Variants in CEMIP observed in about 807,000 individuals in gnomAD.
CEMIP encodes the protein cell migration-inducing and hyaluronan-binding protein.
In CEMIP, 105 loss-of-function variants were observed where a neutral mutation model predicts 156.9. The ratio of observed to expected loss-of-function variants is 0.67; its 90% confidence interval spans 0.57 to 0.79. The LOEUF (loss-of-function observed/expected upper bound fraction) is 0.79. Ranked by LOEUF, CEMIP falls within the 30% of genes least tolerant of loss-of-function variation. CEMIP has a pLI of 0.00. For synonymous variants in CEMIP, 676 were observed against 668.4 expected, an observed-to-expected ratio of 1.01 and a Z score of -0.17; for missense variants, 1,457 against 1,769.4, an observed-to-expected ratio of 0.82 and a Z score of 3.17.
At position 80,888,624 on chromosome 15, in the gene CEMIP, G is replaced by A. The variant is rs74030632; in HGVS notation, c.869-77G>A. On this transcript the variant is annotated intron_variant, in intron 8 of 29. Coordinates refer to ENST00000394685, the MANE Select transcript of CEMIP (RefSeq NM_001293298.2). Reference sequence around the variant, plus strand: ...AGTCAATGCCCATGTGCGTAGGGGGGTTTCCTTGCCTTGGAGTCACAACTT... The same window carrying A: ...AGTCAATGCCCATGTGCGTAGGGGGATTTCCTTGCCTTGGAGTCACAACTT... 1.3e-4 allele frequency: 160 copies of A among 1,192,776 alleles called. No homozygotes were observed. The African/African-American group carries it at 2.2e-3, about 16-fold the overall frequency. The allele number at this position is 1,192,776 out of a possible 1,614,324, so 73.9% of individuals were successfully genotyped here.
At chr15:80,901,006 C>T (rs1899509992) in intron 12 of CEMIP, 1 of 453,694 alleles carries the variant, frequency 2.2e-6, no homozygotes. Flanking sequence ...AATGAAAATG[C>T]ATGAATCATC....
Position 80,906,116 on chromosome 15 carries a change from AG to A in CEMIP, c.1412-543del, listed in dbSNP as rs1172688241. ...TGTAAAGCAGGGGCTTTAAAGACAG[AG>A]GGGTTCTGTTTTATCTTCCTAAGAT... On this transcript the variant is annotated intron_variant, in intron 12 of 29. Transcript: ENST00000394685. This position sits in a 1 kb window ranked among gnomAD's most constrained non-coding sequence, Gnocchi z 4.3. Among the ~76,000 whole-genome samples the A allele has an allele frequency of 6.6e-6, 1 of 152,266 alleles. No individual in the cohort carries two copies. Among genetic ancestry groups the A allele is most frequent in the Non-Finnish European group, 1.5e-5 (1 of 68,040 alleles).
At position 80,895,075 on chromosome 15, in the gene CEMIP, G is replaced by A. The variant is rs148606628; in HGVS notation, c.1172G>A (p.Gly391Asp). Residue 391 changes from glycine to aspartate, a missense_variant, in exon 11 of 30, where the codon GGC becomes GAC. This residue lies in a region of CEMIP where 280 missense variants were observed against 300.3 expected (regional missense o/e 0.93). Transcript: ENST00000394685. ...TATAGGTTTGCTTGCTACGACCGGG[G>A]CAGAGCCTGCCGGAGCTACCGTGTA... is the stretch of plus-strand genomic sequence containing the variant. The part of the protein sequence containing the change: ...QDYRFACYDR[G>D]RACRSYRVRF... The A allele has an allele frequency of 5.6e-6, 9 of 1,614,236 alleles. No homozygotes were observed. In the East Asian group the frequency reaches 2.0e-4, roughly 36 times the overall value.
intron 1 of CEMIP, among the ~76,000 whole-genome samples, chr15:80,817,472 G>A (rs1896810822): frequency 6.6e-6 from 1 of 151,960 alleles, no homozygotes; most frequent in South Asian, 2.1e-4. Flanking sequence ...ATGGTGGTGT[G>A]TGCCTGTAGT....
intron 17 of CEMIP, 148 bp downstream of exon 17, chr15:80,922,285 C>A: frequency 9.4e-7 from 1 of 1,058,838 alleles, no homozygotes; most frequent in Non-Finnish European, 1.4e-6. Context: ...AGCAGCCTTG[C>A]GAGGCCTCCC....
chr15:80,862,562 T>C (rs1356803716), intron 1 of CEMIP, among the ~76,000 whole-genome samples: 1 of 152,156 alleles, frequency 6.6e-6, no homozygotes, highest in East Asian at 1.9e-4. Flanking sequence ...CTGTGGAACA[T>C]GTAACTGAGC....
At chr15:80,810,525 G>A (rs558166879) in intron 1 of CEMIP, among the ~76,000 whole-genome samples, 19 of 152,204 alleles carry the variant, frequency 1.2e-4, no homozygotes, top group African/African-American at 3.6e-4. Context: ...CCTCCACTGC[G>A]GCCAGCTAAT....
intron 29 of CEMIP, 39 bp from the exon 30 acceptor site, chr15:80,948,758 A>C (rs1567115554): frequency 6.2e-7 from 1 of 1,613,626 alleles, no homozygotes; most frequent in African/African-American, 1.3e-5. Context: ...CCGTCCTCTC[A>C]TAGGGCTTTT....
intron 1 of CEMIP, among the ~76,000 whole-genome samples, chr15:80,873,179 A>C (rs758695278): frequency 5.1e-4 from 78 of 152,250 alleles, no homozygotes; most frequent in Non-Finnish European, 1.9e-4. Context: ...TATTCTAGGT[A>C]GCCATGTGCC....
At chr15:80,839,296 G>C (rs1364497698) in intron 1 of CEMIP, among the ~76,000 whole-genome samples, 1 of 147,860 alleles carries the variant, frequency 6.8e-6, no homozygotes, top group Non-Finnish European at 1.5e-5. Context: ...GTGAGTGTGT[G>C]TGTGTGTGTG....
chr15:80,892,996 G>A (rs1899085053), intron 10 of CEMIP, among the ~76,000 whole-genome samples: 1 of 152,144 alleles, frequency 6.6e-6, no homozygotes, highest in African/African-American at 2.4e-5. Flanking sequence ...AGACCAGCCT[G>A]GCCAAGCTGA....
intron 1 of CEMIP, among the ~76,000 whole-genome samples, chr15:80,838,096 G>T (rs1205620009): frequency 1.3e-5 from 2 of 152,204 alleles, no homozygotes; most frequent in Admixed American, 6.5e-5. Flanking sequence ...TGCTTGTCCA[G>T]ACCCTGACCT....
chr15:80,913,531 T>TGG (rs1274258127), intron 14 of CEMIP, among the ~76,000 whole-genome samples: 2 of 151,866 alleles, frequency 1.3e-5, no homozygotes, highest in African/African-American at 2.4e-5. Flanking sequence ...CTTGGGGGAC[T>TGG]GATGGAAATT....
At chr15:80,882,773 C>T (rs886847138) in intron 6 of CEMIP, among the ~76,000 whole-genome samples, 24 of 152,002 alleles carry the variant, frequency 1.6e-4, no homozygotes, top group African/African-American at 5.6e-4. Flanking sequence ...CACACACACA[C>T]ACACACACAT....
chr15:80,867,623 T>C (rs1314471427), intron 1 of CEMIP, among the ~76,000 whole-genome samples: 1 of 152,310 alleles, frequency 6.6e-6, no homozygotes, highest in South Asian at 2.1e-4. Context: ...AAGGAGACTG[T>C]GCTGATGGCA....
intron 29 of CEMIP, 90 bp from the exon 30 acceptor site, chr15:80,948,707 G>T: frequency 7.7e-6 from 12 of 1,564,660 alleles, no homozygotes; most frequent in South Asian, 2.2e-5. Context: ...TGGTGGGCGT[G>T]GGGGGCTGGC....
intron 1 of CEMIP, among the ~76,000 whole-genome samples, chr15:80,848,924 A>ACACACACACACACC (rs1377504083): frequency 1.3e-4 from 19 of 144,104 alleles, no homozygotes. Flanking sequence ...ACACACACAC[A>ACACACACACACACC]CACCCTGGCT....
chr15:80,900,585 GGTGTGTGTGTGTGTGTGTGTGTGTGT>G (rs57724852), intron 12 of CEMIP, among the ~76,000 whole-genome samples: 94 of 74,978 alleles, frequency 1.3e-3, no homozygotes, highest in African/African-American at 2.4e-3. Flanking sequence ...CCCAGGTAGG[GGTGTGTGTGTGTGTGTGTGTGTGTGT>G]GTGTGTGTGT....
chr15:80,927,410 A>G (rs1346457117), intron 19 of CEMIP, among the ~76,000 whole-genome samples: 2 of 152,202 alleles, frequency 1.3e-5, no homozygotes, highest in Non-Finnish European at 2.9e-5. Flanking sequence ...GGCACTACAC[A>G]GAAGGTGGGT....
Sources: allele counts gnomAD v4.1 joint callset (sites outside exome capture counted in the v4.1 genomes callset), GRCh38; gene constraint gnomAD v4.1.1; regional missense constraint gnomAD v4.1.1; non-coding constraint Gnocchi (gnomAD v3.1); transcripts MANE v1.5; gene names NCBI Gene and HGNC (gene_info 2026-07-23, HGNC 2026-07-21).